The following FBXL22 variants were observed in gnomAD, a reference collection of about 807,000 sequenced individuals.
FBXL22 encodes the protein F-box and leucine rich repeat protein 22, also known as F-box and leucine-rich protein 22.
FBXL22 carries 13 observed loss-of-function variants against 11.7 expected under a neutral mutation model. That is an observed-to-expected ratio of 1.11 (90% CI 0.73 to 1.77). The LOEUF (loss-of-function observed/expected upper bound fraction) is 1.77. Ranked by LOEUF, FBXL22 falls within the 40% of genes most tolerant of loss-of-function variation. The pLI is 0.00. For missense variants in FBXL22, 406 were observed against 320.4 expected (o/e 1.27, Z -2.04); for synonymous variants, 160 against 144.1 (o/e 1.11, Z -0.79).
chr15:63,601,366 G>T, downstream of FBXL22: 1 of 1,604,770 alleles, frequency 6.2e-7, no homozygotes, highest in Non-Finnish European at 8.5e-7. Context: ...GATCGCCGTT[G>T]GACCGAAATC....
chr15:63,602,680 G>T (rs964715197), downstream of FBXL22, among the ~76,000 whole-genome samples: 1 of 152,122 alleles, frequency 6.6e-6, no homozygotes, highest in Non-Finnish European at 1.5e-5. Flanking sequence ...CAAGAGATTG[G>T]GGGGTGAAGC....
chr15:63,597,491 C>T lies in FBXL22; in HGVS notation c.99C>T (p.Ala33=), dbSNP rs1225573693. 6.2e-7 allele frequency: 1 copy of T among 1,614,034 alleles called. No homozygotes were observed. Among genetic ancestry groups the T allele is most frequent in the African/African-American group, 1.3e-5 (1 of 74,934 alleles). Residue 33 remains alanine (A), a synonymous_variant, in exon 1 of 2, where the codon GCC becomes GCT. Transcript: ENST00000638704. The surrounding 1 kb of genome is among the most constrained non-coding windows in gnomAD (Gnocchi z 4.3). ...ACAAGGACAGCAGGAAGAGCCTTGC[C>T]AGGACCTGCTCCCAGCTCCACGACG... ...FLDKDSRKSL[A]RTCSQLHDVF...
chr15:63,606,513 G>A (rs1193107844), downstream of FBXL22, among the ~76,000 whole-genome samples: 1 of 152,180 alleles, frequency 6.6e-6, no homozygotes, highest in Non-Finnish European at 1.5e-5. Context: ...GCCCACTTCA[G>A]CTCCTCAGAT....
At position 63,597,555 on chromosome 15, in the gene FBXL22, C is replaced by G. The variant is rs148140490; in HGVS notation, c.163C>G (p.Arg55Gly). The change falls in exon 1 of 2, where the codon CGT becomes GGT. Residue 55 changes from arginine (R) to glycine (G), a missense_variant. Coordinates refer to ENST00000638704, the MANE Select transcript of FBXL22 (RefSeq NM_001367807.1). The surrounding 1 kb of genome is among the most constrained non-coding windows in gnomAD (Gnocchi z 4.3). ...DPALWSLLHF[R>G]SLTELQKDNF... ...CGCACTCTGGTCCCTGCTGCACTTC[C>G]GTTCCCTCACTGAACTCCAGAAGGA... 8 of 1,614,054 alleles carry G rather than the reference C, an allele frequency of 5.0e-6. No homozygotes were observed.
chr15:63,600,628 C>T (rs879373550), intron 1 of FBXL22, 69 bp from the exon 2 acceptor site: 4 of 1,230,694 alleles, frequency 3.3e-6, no homozygotes, highest in African/African-American at 3.1e-5. Context: ...TGAGTCCACT[C>T]GGTCCCATGG....
downstream of FBXL22, among the ~76,000 whole-genome samples, chr15:63,604,979 G>T (rs540035073): frequency 6.6e-6 from 1 of 152,106 alleles, no homozygotes; most frequent in East Asian, 1.9e-4. Flanking sequence ...TTGAACCCGG[G>T]AGACAGTGGT....
downstream of FBXL22, chr15:63,601,297 C>G (rs748306299): frequency 6.3e-7 from 1 of 1,582,984 alleles, no homozygotes; most frequent in East Asian, 2.3e-5. Context: ...CCGCCCCAGG[C>G]TTTCTGCTGT....
chr15:63,600,063 G>C (rs1342251709), intron 1 of FBXL22: 2 of 985,762 alleles, frequency 2.0e-6, no homozygotes, highest in Non-Finnish European at 2.4e-6. Flanking sequence ...GTCCGTGACT[G>C]TACCTGCTCA....
chr15:63,600,661 G>C, intron 1 of FBXL22, 36 bp from the exon 2 acceptor site: 1 of 1,231,308 alleles, frequency 8.1e-7, no homozygotes, highest in Non-Finnish European at 1.0e-6. Context: ...GCTTTAACAA[G>C]CCAGTGAGCC....
Position 63,601,084 on chromosome 15 carries a change from C to T in FBXL22, c.*45C>T. The T allele has an allele frequency of 7.9e-7, 1 of 1,271,392 alleles. No homozygotes were observed. Among genetic ancestry groups the T allele is most frequent in the Non-Finnish European group, 9.9e-7 (1 of 1,010,300 alleles). The allele number at this position is 1,271,392 out of a possible 1,614,324, so 78.8% of individuals were successfully genotyped here. A position where few individuals can be genotyped will look rare whatever the true frequency, so the allele number is the denominator to read the frequency against. ...CCCGGGGAAGGAGCGCAGCCCCAGACCGTCCTGGCTTCGAACCCAGCTCTT... is the reference window on the plus strand; with the variant it reads ...CCCGGGGAAGGAGCGCAGCCCCAGATCGTCCTGGCTTCGAACCCAGCTCTT... On this transcript the variant is annotated 3_prime_UTR_variant, in exon 2 of 2. Transcript: ENST00000638704.
the FBXL22 span, among the ~76,000 whole-genome samples, chr15:63,608,211 T>C: frequency 6.6e-6 from 1 of 152,296 alleles, no homozygotes; most frequent in South Asian, 2.1e-4. Context: ...TCATTTTGTC[T>C]TTGTAGGTTC....
chr15:63,600,687 C>T lies in FBXL22; in HGVS notation c.354-10C>T, dbSNP rs2067353038. On this transcript the variant is annotated splice_polypyrimidine_tract_variant and intron_variant, in intron 1 of 1. Transcript: ENST00000638704. ...CCAGTGAGCCCCGGGTCACCGCACT[C>T]TCCTCACAGGTGCCCCAACCTGGCG... is the stretch of plus-strand genomic sequence containing the variant. The T allele has an allele frequency of 6.0e-5, 74 of 1,231,452 alleles. No homozygotes were observed. The highest frequency in any genetic ancestry group is 7.4e-5 in the Non-Finnish European group (73 of 987,752). 76.3% of individuals were successfully genotyped at this position (1,231,452 alleles called of 1,614,324 possible).
downstream of FBXL22, chr15:63,601,639 C>T (rs2067374624): frequency 6.2e-7 from 1 of 1,605,902 alleles, no homozygotes; most frequent in Middle Eastern, 1.7e-4. Context: ...TGCCCGCACG[C>T]GCGTCTGCCC....
downstream of FBXL22, among the ~76,000 whole-genome samples, chr15:63,603,247 C>T (rs1014951380): frequency 6.6e-6 from 1 of 152,140 alleles, no homozygotes; most frequent in Non-Finnish European, 1.5e-5. Context: ...AAGATAGCCA[C>T]CAGAACAAAA....
downstream of FBXL22, among the ~76,000 whole-genome samples, chr15:63,604,978 G>A (rs910609014): frequency 1.3e-5 from 2 of 152,148 alleles, no homozygotes; most frequent in African/African-American, 2.4e-5. Flanking sequence ...CTTGAACCCG[G>A]GAGACAGTGG....
chr15:63,597,692 C>G lies in FBXL22; in HGVS notation c.300C>G (p.Ile100Met). ...DWLKSAFQRS[I>M]CSRHESLVND... ...TCAAGAGTGCCTTCCAGAGAAGCAT[C>G]TGCAGCCGGCACGAGAGCCTGGTCA... The change falls in exon 1 of 2, where the codon ATC becomes ATG. Residue 100 changes from isoleucine to methionine, a missense_variant. Ile to Met is a conservative substitution (Grantham distance 10, BLOSUM62 1). Transcript: ENST00000638704. The surrounding 1 kb of genome is among the most constrained non-coding windows in gnomAD (Gnocchi z 4.3). 1 of 1,601,436 alleles carries G rather than the reference C, an allele frequency of 6.2e-7. No individual in the cohort carries two copies. The highest frequency in any genetic ancestry group is 8.5e-7 in the Non-Finnish European group (1 of 1,171,262).
At chr15:63,603,456 T>C (rs2067396534), downstream of FBXL22, among the ~76,000 whole-genome samples, 2 of 152,228 alleles carry the variant, frequency 1.3e-5, no homozygotes, top group East Asian at 1.9e-4. Flanking sequence ...AATTCAAGCA[T>C]CTGCACCTGC....
At chr15:63,607,481 G>T in the FBXL22 span, among the ~76,000 whole-genome samples, 1 of 152,188 alleles carries the variant, frequency 6.6e-6, no homozygotes, top group African/African-American at 2.4e-5. Flanking sequence ...CAGAACTCCT[G>T]GGGTTCCCCC....
chr15:63,607,754 C>T, the FBXL22 span, among the ~76,000 whole-genome samples: 2 of 152,314 alleles, frequency 1.3e-5, no homozygotes, highest in South Asian at 2.1e-4. Context: ...ACCCTGTCCG[C>T]GAAGTACAGT....
Sources: allele counts gnomAD v4.1 joint callset (sites outside exome capture counted in the v4.1 genomes callset), GRCh38; gene constraint gnomAD v4.1.1; non-coding constraint Gnocchi (gnomAD v3.1); transcripts MANE v1.5; gene names NCBI Gene and HGNC (gene_info 2026-07-23, HGNC 2026-07-21).